PALM2AKAP2: variants seen among roughly 807,000 people sequenced by gnomAD.
PALM2AKAP2 encodes PALM2-AKAP2 fusion protein.
A neutral mutation model predicts 71.5 loss-of-function variants in PALM2AKAP2; 37 were observed. The ratio of observed to expected loss-of-function variants is 0.52; its 90% CI spans 0.40 to 0.68. The LOEUF (loss-of-function observed/expected upper bound fraction) is 0.68, where lower values mean the gene tolerates loss of function less well. Among genes scored for constraint, PALM2AKAP2 ranks in the 30% least tolerant of loss-of-function variants. The probability of loss-of-function intolerance (pLI) is 0.00; values close to 1 mark genes in which losing one functional copy is unlikely to be tolerated. For missense variants in PALM2AKAP2, 1,224 were observed against 1,191.8 expected (o/e 1.03, Z -0.40); for synonymous variants, 468 against 478.8 (o/e 0.98, Z 0.29).
chr9:109,889,754 T>A (rs1335052435), intron 3 of PALM2AKAP2, among the ~76,000 whole-genome samples: 1 of 152,186 alleles, frequency 6.6e-6, no homozygotes, highest in Admixed American at 6.5e-5. Flanking sequence ...TTTTGTAGGA[T>A]CCATTATAAT....
chr9:109,680,354 ATGTC>A (rs1436125290), intron 1 of PALM2AKAP2, among the ~76,000 whole-genome samples: 3 of 152,202 alleles, frequency 2.0e-5, no homozygotes, highest in African/African-American at 7.2e-5. Flanking sequence ...TAGATGAGTG[ATGTC>A]TCACCTGCTC....
At chr9:109,996,975 A>G (rs1021737136) in intron 6 of PALM2AKAP2, among the ~76,000 whole-genome samples, 9 of 152,188 alleles carry the variant, frequency 5.9e-5, no homozygotes, top group African/African-American at 1.9e-4. Context: ...GACCACTTGA[A>G]TCCAGGAGTT....
At chr9:109,874,370 T>G (rs183254691) in intron 2 of PALM2AKAP2, among the ~76,000 whole-genome samples, 1 of 152,346 alleles carries the variant, frequency 6.6e-6, no homozygotes, top group African/African-American at 2.4e-5. Context: ...AGAGGCAAGA[T>G]AGTAGAGTGT....
At chr9:110,023,050 T>G (rs1003628796) in intron 7 of PALM2AKAP2, among the ~76,000 whole-genome samples, 5 of 152,096 alleles carry the variant, frequency 3.3e-5, no homozygotes, top group Non-Finnish European at 5.9e-5. Context: ...CGTGTGCATG[T>G]GTCTTTATAG....
At chr9:110,158,676 C>G (rs1039414242) in intron 3 of PALM2AKAP2, among the ~76,000 whole-genome samples, 2 of 152,170 alleles carry the variant, frequency 1.3e-5, no homozygotes, top group Admixed American at 6.5e-5. Flanking sequence ...GAGGCAGCCT[C>G]CTGTCTCTAT....
intron 1 of PALM2AKAP2, among the ~76,000 whole-genome samples, chr9:109,691,747 T>G (rs1827887191): frequency 6.7e-6 from 1 of 148,378 alleles, no homozygotes; most frequent in Non-Finnish European, 1.5e-5. Flanking sequence ...CCACCCATGC[T>G]TATATTCAAA....
Position 110,024,772 on chromosome 9 carries a change from G to A in PALM2AKAP2, c.582+8733G>A, listed in dbSNP as rs1203122654. 3.2e-5 allele frequency: 20 copies of A among 628,030 alleles called. No homozygotes were observed. In the East Asian group the frequency reaches 5.2e-4, roughly 16 times the overall value. The allele number at this position is 628,030 out of a possible 1,614,324, so 38.9% of individuals were successfully genotyped here. The stretch of plus-strand genomic sequence containing the variant: ...GCACTCTATCCTGGGTGATGACAGA[G>A]TATGACCCTGTCTTAAAAAAAAAAA... On this transcript the variant is annotated intron_variant, in intron 7 of 9. Coordinates refer to the PALM2AKAP2 transcript ENST00000302798.
chr9:109,826,408 TC>T (rs536656205), intron 1 of PALM2AKAP2, among the ~76,000 whole-genome samples: 238 of 152,254 alleles, frequency 1.6e-3, no homozygotes, highest in Non-Finnish European at 1.5e-3. Context: ...TTGTTTTGTA[TC>T]ATGAATATTG....
rs765301198 is a variant in PALM2AKAP2 at position 109,880,593 on chromosome 9, G to A, written c.169G>A (p.Ala57Thr). 7.4e-6 allele frequency: 12 copies of A among 1,613,480 alleles called. No individual in the cohort carries two copies. Among genetic ancestry groups the A allele is most frequent in the Non-Finnish European group, 8.5e-6 (10 of 1,179,980 alleles). The change falls in exon 3 of 10, where the codon GCT becomes ACT. Residue 57 changes from alanine to threonine, a missense_variant. Ala to Thr is a moderately conservative substitution (Grantham distance 58, BLOSUM62 0). Transcript: ENST00000302798. ...GAAATGGCTGCTGCAGGGCATACCC[G>A]CTGGAACTGCCGAAGAGGAGGAAGC...
chr9:109,888,823 A>T (rs1830024732), intron 3 of PALM2AKAP2, among the ~76,000 whole-genome samples: 1 of 151,014 alleles, frequency 6.6e-6, no homozygotes, highest in African/African-American at 2.4e-5. Context: ...CTGGATAGTT[A>T]TTTGTTGTGA....
At chr9:109,935,416 A>G (rs903789608) in intron 6 of PALM2AKAP2, among the ~76,000 whole-genome samples, 4 of 152,226 alleles carry the variant, frequency 2.6e-5, no homozygotes, top group African/African-American at 9.6e-5. Flanking sequence ...TCATGCAACC[A>G]CTAACAAGTT....
intron 2 of PALM2AKAP2, among the ~76,000 whole-genome samples, chr9:110,143,249 T>TAA (rs75810628): frequency 0.035 from 4,447 of 126,842 alleles, 240 homozygotes; most frequent in African/African-American, 0.12. Context: ...CCCCATCTCT[T>TAA]AAAAAAAAAA....
At chr9:110,044,344 CTTTTTTTT>C (rs57314430), upstream of PALM2AKAP2, among the ~76,000 whole-genome samples, 23 of 80,156 alleles carry the variant, frequency 2.9e-4, no homozygotes, top group Middle Eastern at 0.014. Context: ...TTCTTTCTTT[CTTTTTTTT>C]TTTTTTTTTT....
At chr9:110,014,829 T>C (rs1397711971) in intron 6 of PALM2AKAP2, among the ~76,000 whole-genome samples, 2 of 121,550 alleles carry the variant, frequency 1.6e-5, no homozygotes, top group East Asian at 2.4e-4. Context: ...TATATATATA[T>C]ATATATATAT....
intron 1 of PALM2AKAP2, among the ~76,000 whole-genome samples, chr9:110,064,333 T>C (rs982608859): frequency 2.6e-5 from 4 of 152,176 alleles, no homozygotes; most frequent in Admixed American, 2.0e-4. Flanking sequence ...GTAGTGTGTA[T>C]GCTCATCTTC....
intron 6 of PALM2AKAP2, among the ~76,000 whole-genome samples, chr9:109,937,048 T>G (rs1039045601): frequency 6.6e-5 from 10 of 152,328 alleles, no homozygotes; most frequent in Admixed American, 5.2e-4. Flanking sequence ...TGTCGGTTAC[T>G]CTTGTTCCCT....
chr9:109,752,828 A>G lies in PALM2AKAP2; in HGVS notation c.6-27660A>G, dbSNP rs896442592. On this transcript the variant is annotated intron_variant, in intron 1 of 6. Transcript: ENST00000374531. The stretch of plus-strand genomic sequence containing the variant: ...AAATGCCACCTAGAGGCAAGAGACC[A>G]GTAGCCGGGCAATCTTGTTCATCCA... 6.6e-5 allele frequency among the ~76,000 whole-genome samples: 10 copies of G among 152,186 alleles called. No individual in the cohort carries two copies. In the East Asian group the frequency reaches 1.7e-3, roughly 26 times the overall value.
chr9:109,778,288 G>C (rs551196861), upstream of PALM2AKAP2, among the ~76,000 whole-genome samples: 3 of 152,334 alleles, frequency 2.0e-5, no homozygotes, highest in African/African-American at 7.2e-5. Context: ...AGTGTGATCT[G>C]AGTTTAAATC....
At chr9:109,951,145 T>C (rs1361110551) in intron 6 of PALM2AKAP2, among the ~76,000 whole-genome samples, 2 of 152,094 alleles carry the variant, frequency 1.3e-5, no homozygotes, top group Admixed American at 6.5e-5. Flanking sequence ...CTGATGCAGC[T>C]TCTCAGTGAA....
Sources: gnomAD v4.1 joint callset for allele counts (sites outside exome capture counted in the v4.1 genomes callset) on GRCh38, gnomAD v4.1.1 for gene constraint, MANE v1.5 for transcripts, NCBI Gene and HGNC (gene_info 2026-07-23, HGNC 2026-07-21) for gene names.